LMNTD1: variants seen among roughly 807,000 people sequenced by gnomAD.
LMNTD1 encodes the protein lamin tail domain containing 1, also known as lamin tail domain-containing protein 1.
LMNTD1 carries 35 observed loss-of-function variants against 50.9 expected under a neutral mutation model. That is an observed-to-expected ratio of 0.69 (90% CI 0.53 to 0.91). The LOEUF is 0.91. LMNTD1 is among the 40% of genes least tolerant of loss of function. The probability of loss-of-function intolerance (pLI) is 0.00; values close to 1 mark genes in which losing one functional copy is unlikely to be tolerated. For missense variants in LMNTD1, 470 were observed against 475.5 expected (o/e 0.99, Z 0.11); for synonymous variants, 153 against 161.9 (o/e 0.94, Z 0.42).
intron 1 of LMNTD1, among the ~76,000 whole-genome samples, chr12:25,619,252 C>CTCTCTCTATATATA (rs1374134268): frequency 2.6e-4 from 22 of 84,424 alleles, no homozygotes; most frequent in East Asian, 8.4e-4. Context: ...CTCTCTCTCT[C>CTCTCTCTATATATA]TATATATATA....
intron 4 of LMNTD1, among the ~76,000 whole-genome samples, chr12:25,527,816 A>T (rs1402527122): frequency 6.7e-6 from 1 of 150,098 alleles, no homozygotes; most frequent in Non-Finnish European, 1.5e-5. Context: ...ACAATTTCTT[A>T]TCCACAGTTC....
At chr12:25,583,686 C>G (rs908056750) in intron 1 of LMNTD1, among the ~76,000 whole-genome samples, 1 of 152,126 alleles carries the variant, frequency 6.6e-6, no homozygotes, top group African/African-American at 2.4e-5. Context: ...GTGCAGAGAT[C>G]TGAGATAGGA....
At chr12:25,514,720 C>A (rs1940623874) in intron 8 of LMNTD1, among the ~76,000 whole-genome samples, 1 of 151,630 alleles carries the variant, frequency 6.6e-6, no homozygotes, top group African/African-American at 2.4e-5. Flanking sequence ...GGATAATCCC[C>A]AAAAATTAAT....
intron 1 of LMNTD1, among the ~76,000 whole-genome samples, chr12:25,640,558 A>G (rs563170827): frequency 1.1e-3 from 170 of 152,318 alleles, no homozygotes; most frequent in Non-Finnish European, 2.1e-3. Flanking sequence ...CTATGTGTAT[A>G]TATTAAGAAT....
chr12:25,559,666 T>A (rs1367776434), intron 1 of LMNTD1, among the ~76,000 whole-genome samples: 1 of 152,198 alleles, frequency 6.6e-6, no homozygotes, highest in Non-Finnish European at 1.5e-5. Flanking sequence ...CAACCAACAG[T>A]GTAAAAGTGT....
At chr12:25,557,060 ATTCAAAGAGT>A (rs1944071539), upstream of LMNTD1, among the ~76,000 whole-genome samples, 1 of 152,222 alleles carries the variant, frequency 6.6e-6, no homozygotes, top group South Asian at 2.1e-4. Flanking sequence ...ATTATCTAAG[ATTCAAAGAGT>A]TTGGAATACA....
intron 9 of LMNTD1, among the ~76,000 whole-genome samples, chr12:25,484,932 C>A (rs1205139731): frequency 6.6e-6 from 1 of 150,926 alleles, no homozygotes; most frequent in East Asian, 2.0e-4. Context: ...GGTTCCAAGT[C>A]TTTGCTATTG....
At chr12:25,533,891 G>A (rs550701781) in intron 4 of LMNTD1, among the ~76,000 whole-genome samples, 94 of 152,268 alleles carry the variant, frequency 6.2e-4, no homozygotes, top group Admixed American at 1.3e-3. Context: ...AGAACCATTC[G>A]TGTGTTTATC....
intron 8 of LMNTD1, among the ~76,000 whole-genome samples, chr12:25,505,608 C>G (rs1033796178): frequency 6.6e-6 from 1 of 151,620 alleles, no homozygotes; most frequent in Non-Finnish European, 1.5e-5. Context: ...TTTGAATATA[C>G]GATGCAGTAA....
rs2136036914 is a variant in LMNTD1, at chr12:25,519,589, A to AG, written c.1016+268_1016+269insC. On this transcript the variant is annotated intron_variant, in intron 7 of 9. Coordinates refer to ENST00000458174, the MANE Select transcript of LMNTD1 (RefSeq NM_001145728.2). ...GGTGACAGAGCGAGACTCTGTCTCA[A>AG]AAAAAAAAAAAAAAAAAAAGTGAAA... Among the ~76,000 whole-genome samples the AG allele has an allele frequency of 1.4e-5, 2 of 142,690 alleles. 1 individual carries two copies. Among genetic ancestry groups the AG allele is most frequent in the South Asian group, 4.6e-4 (2 of 4,334 alleles). The allele number at this position is 142,690 out of a possible 152,430, so 93.6% of individuals were successfully genotyped here. A position where few individuals can be genotyped will look rare whatever the true frequency, so the allele number is the denominator to read the frequency against.
intron 1 of LMNTD1, among the ~76,000 whole-genome samples, chr12:25,638,615 T>A (rs1946885595): frequency 6.6e-6 from 1 of 151,972 alleles, no homozygotes; most frequent in Non-Finnish European, 1.5e-5. Context: ...TACTTAGGAC[T>A]AAATTTAAAA....
intron 1 of LMNTD1, among the ~76,000 whole-genome samples, chr12:25,567,137 C>A (rs1944587165): frequency 1.3e-5 from 2 of 152,138 alleles, no homozygotes; most frequent in South Asian, 4.1e-4. Flanking sequence ...TGTGAAAAAC[C>A]AGACATCTGA....
chr12:25,520,803 A>G lies in LMNTD1; in HGVS notation c.799-728T>C, dbSNP rs909618872. Reference sequence around the variant, plus strand: ...ATTGTTTTCCATAAAGGCTGCACCAATCTACATTCCTGCCAACCATGTACT... The same window carrying G: ...ATTGTTTTCCATAAAGGCTGCACCAGTCTACATTCCTGCCAACCATGTACT... On this transcript the variant is annotated intron_variant, in intron 6 of 9. Coordinates refer to ENST00000458174, the MANE Select transcript of LMNTD1 (RefSeq NM_001145728.2). 2.6e-5 allele frequency among the ~76,000 whole-genome samples: 4 copies of G among 152,312 alleles called. 1 individual carries two copies. In the East Asian group the frequency reaches 7.7e-4, roughly 29 times the overall value.
intron 1 of LMNTD1, among the ~76,000 whole-genome samples, chr12:25,643,722 C>A (rs912162187): frequency 6.6e-6 from 1 of 152,180 alleles, no homozygotes; most frequent in African/African-American, 2.4e-5. Context: ...AATCAAGGTT[C>A]TGATGGCAAA....
chr12:25,554,254 G>A (rs1943938452), upstream of LMNTD1, among the ~76,000 whole-genome samples: 2 of 152,176 alleles, frequency 1.3e-5, no homozygotes, highest in African/African-American at 2.4e-5. Flanking sequence ...CTCCCTACCT[G>A]TACCAGTCTG....
At chr12:25,607,126 G>A (rs1482764291) in intron 1 of LMNTD1, among the ~76,000 whole-genome samples, 2 of 152,278 alleles carry the variant, frequency 1.3e-5, no homozygotes, top group East Asian at 3.9e-4. Context: ...GCGTAGAGGT[G>A]TTTATAGTAT....
At chr12:25,559,527 G>A (rs1944198853) in intron 1 of LMNTD1, among the ~76,000 whole-genome samples, 1 of 152,170 alleles carries the variant, frequency 6.6e-6, no homozygotes, top group Admixed American at 6.5e-5. Context: ...TGTCATTATA[G>A]CAGCATGATT....
intron 1 of LMNTD1, among the ~76,000 whole-genome samples, chr12:25,595,740 T>A (rs973750991): frequency 6.6e-6 from 1 of 151,662 alleles, no homozygotes; most frequent in African/African-American, 2.4e-5. Flanking sequence ...ACAGCAGAAC[T>A]AAATGAAAGT....
chr12:25,642,507 GAAAT>G (rs1946976906), intron 1 of LMNTD1, among the ~76,000 whole-genome samples: 1 of 152,132 alleles, frequency 6.6e-6, no homozygotes, highest in African/African-American at 2.4e-5. Flanking sequence ...CTGTAAGAAA[GAAAT>G]GTTTGTCGTT....
Sources: allele counts gnomAD v4.1 joint callset (sites outside exome capture counted in the v4.1 genomes callset), GRCh38; gene constraint gnomAD v4.1.1; transcripts MANE v1.5; gene names NCBI Gene and HGNC (gene_info 2026-07-23, HGNC 2026-07-21).